Variants in PLEKHG4B observed in about 807,000 individuals in gnomAD.
PLEKHG4B encodes the protein pleckstrin homology domain-containing family G member 4B.
In PLEKHG4B, 111 loss-of-function variants were observed where a neutral mutation model predicts 121.3. The observed-to-expected ratio is 0.92, with a 90% CI of 0.78 to 1.07. The LOEUF is 1.07. Ranked by LOEUF, PLEKHG4B falls within the 50% of genes least tolerant of loss-of-function variation. The probability of loss-of-function intolerance (pLI) is 0.00; values close to 1 mark genes in which losing one functional copy is unlikely to be tolerated. For synonymous variants in PLEKHG4B, 738 were observed against 725.0 expected (o/e 1.02, Z -0.29); for missense variants, 1,831 against 1,757.8 (o/e 1.04, Z -0.74).
At chr5:181,167 A>C (rs1384592559) in intron 18 of PLEKHG4B, among the ~76,000 whole-genome samples, 3 of 152,194 alleles carry the variant, frequency 2.0e-5, no homozygotes, top group African/African-American at 7.2e-5. Flanking sequence ...CACGGCTCCC[A>C]GGCCTCTGAC....
chr5:179,094 T>C (rs756524946), intron 18 of PLEKHG4B, among the ~76,000 whole-genome samples: 2 of 152,248 alleles, frequency 1.3e-5, no homozygotes, highest in Non-Finnish European at 2.9e-5. Context: ...GCTATTCCAG[T>C]TTCCTTTTGC....
At chr5:105,367 C>G (rs1733947130) in intron 1 of PLEKHG4B, among the ~76,000 whole-genome samples, 1 of 152,174 alleles carries the variant, frequency 6.6e-6, no homozygotes, top group South Asian at 2.1e-4. Flanking sequence ...CACTTTTGTA[C>G]CTACTCCTAT....
At chr5:180,356 T>G (rs1736893378) in intron 18 of PLEKHG4B, among the ~76,000 whole-genome samples, 1 of 152,220 alleles carries the variant, frequency 6.6e-6, no homozygotes, top group South Asian at 2.1e-4. Context: ...ACTGAATGTC[T>G]GGGAGTTTCC....
chr5:124,008 T>G (rs958457183), intron 2 of PLEKHG4B, among the ~76,000 whole-genome samples: 3 of 152,210 alleles, frequency 2.0e-5, no homozygotes, highest in African/African-American at 7.2e-5. Context: ...AATTTCCCCC[T>G]TAATGCTGCT....
At chr5:112,465 A>G (rs1489460476) in intron 1 of PLEKHG4B, among the ~76,000 whole-genome samples, 2 of 152,238 alleles carry the variant, frequency 1.3e-5, no homozygotes, top group Non-Finnish European at 2.9e-5. Context: ...ACTGCCTTGC[A>G]GTTCTTTTCT....
At chr5:111,951 G>A (rs916878091) in intron 1 of PLEKHG4B, among the ~76,000 whole-genome samples, 3 of 102,422 alleles carry the variant, frequency 2.9e-5, no homozygotes, top group Admixed American at 8.7e-5. Flanking sequence ...CTCATGGACT[G>A]TGTGACCCTG....
At chr5:100,382 A>G (rs1367163607) in intron 1 of PLEKHG4B, among the ~76,000 whole-genome samples, 2 of 151,600 alleles carry the variant, frequency 1.3e-5, no homozygotes, top group East Asian at 3.9e-4. Flanking sequence ...TAATCCATAT[A>G]AAGCCCTGGA....
intron 2 of PLEKHG4B, among the ~76,000 whole-genome samples, chr5:132,569 A>G (rs1272439013): frequency 1.3e-5 from 2 of 152,110 alleles, no homozygotes; most frequent in African/African-American, 2.4e-5. Flanking sequence ...TGATTTTTGT[A>G]TAAGGTGAGA....
rs186667914 is a variant in PLEKHG4B at position 100,232 on chromosome 5, C to T, written c.45+7956C>T. ...TGTAAATTTTGAAATAAGAAATGAC[C>T]TCTTTGAGAAACAAGTTTGTGCCAA... is the stretch of plus-strand genomic sequence containing the variant. On this transcript the variant is annotated intron_variant, in intron 1 of 19. Transcript: ENST00000637938. 2.8e-3 allele frequency among the ~76,000 whole-genome samples: 426 copies of T among 152,224 alleles called. 6 individuals carry two copies. Among genetic ancestry groups the T allele is most frequent in the African/African-American group, 9.7e-3 (402 of 41,500 alleles).
chr5:185,749 A>AGGCCAGCAG lies in PLEKHG4B; in HGVS notation c.*3437_*3445dup, dbSNP rs1257297245. ...GGGGAGCAAGGCTGGGGATATGCCC[A>AGGCCAGCAG]GGCCAGCAGGGCCAGCAGGAGTGAC... is the stretch of plus-strand genomic sequence containing the variant. On this transcript the variant is annotated 3_prime_UTR_variant, in exon 20 of 20. Coordinates refer to ENST00000637938, the MANE Select transcript of PLEKHG4B (RefSeq NM_052909.5). 2 of 152,566 alleles carry AGGCCAGCAG rather than the reference A, an allele frequency of 1.3e-5. No homozygotes were observed. Among genetic ancestry groups the AGGCCAGCAG allele is most frequent in the South Asian group, 2.1e-4 (1 of 4,836 alleles). The allele number at this position is 152,566 out of a possible 1,614,324, so 9.5% of individuals were successfully genotyped here.
rs1393910279 is a variant in PLEKHG4B at position 189,447 on chromosome 5, C to T, written c.*7124C>T. On this transcript the variant is annotated 3_prime_UTR_variant, in exon 20 of 20. Coordinates refer to ENST00000637938, the MANE Select transcript of PLEKHG4B (RefSeq NM_052909.5). ...ATGTCCCCAACGCAGGTCCAGCCAT[C>T]TCTGCACAGAACTGGAATCTCGGTT... 2.0e-5 allele frequency: 3 copies of T among 152,448 alleles called. No homozygotes were observed. The highest frequency in any genetic ancestry group is 4.4e-5 in the Non-Finnish European group (3 of 68,188). 9.4% of individuals were successfully genotyped at this position (152,448 alleles called of 1,614,324 possible).
chr5:140,356 C>T lies in PLEKHG4B; in HGVS notation c.1117C>T (p.Leu373Phe). The stretch of plus-strand genomic sequence containing the variant: ...GCCCCTGGGCAGCTCTGAGGAGGCC[C>T]TCGGGGACCTGGCCTGCAGCTCCCT... The part of the protein sequence containing the change: ...PMPLGSSEEA[L>F]GDLACSSLTG... The change falls in exon 3 of 20, where the codon CTC (leucine) becomes TTC (phenylalanine). Residue 373 changes from leucine to phenylalanine, a missense_variant. Physicochemically the swap from Leu to Phe is conservative, Grantham distance 22 (BLOSUM62 0). Coordinates refer to ENST00000637938, the MANE Select transcript of PLEKHG4B (RefSeq NM_052909.5). 1 of 1,551,680 alleles carries T rather than the reference C, an allele frequency of 6.4e-7. No individual in the cohort carries two copies. Among genetic ancestry groups the T allele is most frequent in the Non-Finnish European group, 8.7e-7 (1 of 1,148,668 alleles).
In PLEKHG4B at chr5:172,965, G is replaced by A; in HGVS notation, c.4119G>A (p.Lys1373=). 3 of 1,614,190 alleles carry A rather than the reference G, an allele frequency of 1.9e-6. No homozygotes were observed. The highest frequency in any genetic ancestry group is 2.5e-6 in the Non-Finnish European group (3 of 1,180,028). ...DEFIVCCGRK[K]YLRHVFLFED... is the part of the protein sequence containing the mutation. ...TTATCGTTTGCTGCGGGAGGAAGAA[G>A]TATCTGAGGCATGTGTTCCTCTTTG... The change falls in exon 17 of 20, where the codon AAG becomes AAA. Residue 1373 remains lysine (K), a synonymous_variant. Transcript: ENST00000637938.
At chr5:130,087 A>G (rs1378381950) in intron 2 of PLEKHG4B, among the ~76,000 whole-genome samples, 2 of 137,302 alleles carry the variant, frequency 1.5e-5, no homozygotes, top group Admixed American at 6.9e-5. Context: ...GAGAGAGAGA[A>G]AGGAACATGC....
rs1381671355 is a variant in PLEKHG4B at position 172,999 on chromosome 5, A to C, written c.4153A>C (p.Ile1385Leu). ...LRHVFLFEDL[I>L]LFSKTQKVEG... ...GCATGTGTTCCTCTTTGAAGACCTCATCCTGTTTAGCAAGACCCAGAAGGT... is the reference window on the plus strand; with the variant it reads ...GCATGTGTTCCTCTTTGAAGACCTCCTCCTGTTTAGCAAGACCCAGAAGGT... The change falls in exon 17 of 20, where the codon ATC (isoleucine) becomes CTC (leucine). Residue 1385 changes from isoleucine (I) to leucine (L), a missense_variant. Ile to Leu is a conservative substitution (Grantham distance 5). Coordinates refer to ENST00000637938, the MANE Select transcript of PLEKHG4B (RefSeq NM_052909.5). 1.2e-6 allele frequency: 2 copies of C among 1,614,004 alleles called. No homozygotes were observed. Among genetic ancestry groups the C allele is most frequent in the Non-Finnish European group, 1.7e-6 (2 of 1,180,026 alleles).
In PLEKHG4B at chr5:156,770, C is replaced by T. The variant is rs759486651; in HGVS notation, c.2349-3C>T. 23 of 1,549,876 alleles carry T rather than the reference C, an allele frequency of 1.5e-5. No homozygotes were observed. Among genetic ancestry groups the T allele is most frequent in the Non-Finnish European group, 1.8e-5 (21 of 1,146,094 alleles). On this transcript the variant is annotated splice_region_variant and splice_polypyrimidine_tract_variant and intron_variant, in intron 10 of 19. Transcript: ENST00000637938. The surrounding 1 kb of genome is among the most constrained non-coding windows in gnomAD (Gnocchi z 4.4). The stretch of plus-strand genomic sequence containing the variant: ...AGCCTGAGGACTGCCTTCTCTTCCT[C>T]AGGGACACCCTGGAGGCCGCCACAA...
rs763461458 is a variant in PLEKHG4B, at chr5:181,685, C to G, written c.4564+10C>G. On this transcript the variant is annotated intron_variant, in intron 19 of 19. Transcript: ENST00000637938. ...ATCGTCAAGGGCACAGGTACGGTGG[C>G]TCGGTCCCGCCCTCACTCACCCTGC... 1.2e-6 allele frequency: 2 copies of G among 1,609,186 alleles called. No individual in the cohort carries two copies. The highest frequency in any genetic ancestry group is 2.7e-5 in the African/African-American group (2 of 74,862).
chr5:106,852 C>T lies in PLEKHG4B; in HGVS notation c.46-6399C>T, dbSNP rs114139060. On this transcript the variant is annotated intron_variant, in intron 1 of 19. Transcript: ENST00000637938. ...TGCAGCTTCTGTGTGTGTGTGTGCA[C>T]GTGTGTGTGGTGAGAGATGAGGTGC... is the stretch of plus-strand genomic sequence containing the variant. Among the ~76,000 whole-genome samples the T allele has an allele frequency of 8.0e-3, 1,209 of 151,594 alleles. 18 individuals are homozygous for T. The highest frequency in any genetic ancestry group is 0.027 in the African/African-American group (1,123 of 40,998).
intron 2 of PLEKHG4B, among the ~76,000 whole-genome samples, chr5:116,181 G>C (rs1458922468): frequency 6.6e-6 from 1 of 152,154 alleles, no homozygotes; most frequent in Non-Finnish European, 1.5e-5. Flanking sequence ...TTGTGTCTTA[G>C]GGAATAGGGA....
Sources: gnomAD v4.1 joint callset for allele counts (sites outside exome capture counted in the v4.1 genomes callset) on GRCh38, gnomAD v4.1.1 for gene constraint, Gnocchi (gnomAD v3.1) non-coding constraint, MANE v1.5 for transcripts, NCBI Gene and HGNC (gene_info 2026-07-23, HGNC 2026-07-21) for gene names.